PFKFB3: variants seen among roughly 807,000 people sequenced by gnomAD.
PFKFB3 encodes the protein 6-phosphofructo-2-kinase/fructose-2,6-biphosphatase 3.
In PFKFB3, 33 loss-of-function variants were observed where a neutral mutation model predicts 68.0. The observed-to-expected ratio is 0.49, with a 90% confidence interval of 0.37 to 0.65. PFKFB3 has a LOEUF of 0.65. Among genes scored for constraint, PFKFB3 ranks in the 30% least tolerant of loss-of-function variants. The pLI is 0.00. For synonymous variants in PFKFB3, 315 were observed against 288.2 expected (o/e 1.09, Z -0.94); for missense variants, 586 against 712.2 (o/e 0.82, Z 2.02).
upstream of PFKFB3, among the ~76,000 whole-genome samples, chr10:6,200,659 C>CGGGGCGGGGGG (rs1292336041): frequency 1.5e-5 from 1 of 68,886 alleles, no homozygotes; most frequent in Admixed American, 1.3e-4. Context: ...ATGTAAGGAG[C>CGGGGCGGGGGG]GGGGGGGGGG....
rs1304611050 is a variant in PFKFB3 at position 6,203,089 on chromosome 10, G to C, written c.-172G>C. 7.0e-7 allele frequency: 1 copy of C among 1,433,172 alleles called. No individual in the cohort carries two copies. Among genetic ancestry groups the C allele is most frequent in the Non-Finnish European group, 9.1e-7 (1 of 1,098,406 alleles). 88.8% of individuals were successfully genotyped at this position (1,433,172 alleles called of 1,614,324 possible). Reference sequence around the variant, plus strand: ...AGCACACGTCGAGCCCCGCACAGGCGAGGGTCCGGAACTTAGCCCAAAGCA... The same window carrying C: ...AGCACACGTCGAGCCCCGCACAGGCCAGGGTCCGGAACTTAGCCCAAAGCA... On this transcript the variant is annotated 5_prime_UTR_variant, in exon 1 of 15. Transcript: ENST00000379775.
the PFKFB3 span, among the ~76,000 whole-genome samples, chr10:6,271,459 G>A: frequency 6.6e-6 from 1 of 152,202 alleles, no homozygotes; most frequent in Non-Finnish European, 1.5e-5. Context: ...TGAAGAGCCT[G>A]GTAGCAGTGC....
the PFKFB3 span, among the ~76,000 whole-genome samples, chr10:6,309,376 G>A: frequency 6.6e-6 from 1 of 152,198 alleles, no homozygotes; most frequent in Non-Finnish European, 1.5e-5. Context: ...GGGAGACTGA[G>A]GCAGGAGAAT....
At chr10:6,200,810 C>T (rs941934917), upstream of PFKFB3, among the ~76,000 whole-genome samples, 2 of 152,132 alleles carry the variant, frequency 1.3e-5, no homozygotes, top group Admixed American at 6.5e-5. Flanking sequence ...AGGAAAAGTG[C>T]CCGGTCTGCG....
the PFKFB3 span, among the ~76,000 whole-genome samples, chr10:6,262,546 G>A: frequency 1.4e-5 from 2 of 146,062 alleles, no homozygotes; most frequent in African/African-American, 5.1e-5. Flanking sequence ...AGTGCTTTTT[G>A]TGTCTTGCTT....
At chr10:6,179,702 G>A (rs916090256) in intron 1 of PFKFB3, among the ~76,000 whole-genome samples, 1 of 152,252 alleles carries the variant, frequency 6.6e-6, no homozygotes, top group East Asian at 1.9e-4. Context: ...GTAAACCAAG[G>A]TGCCAAGGCT....
the PFKFB3 span, among the ~76,000 whole-genome samples, chr10:6,269,593 C>T: frequency 6.6e-6 from 1 of 152,144 alleles, no homozygotes; most frequent in South Asian, 2.1e-4. Context: ...ATAGGTAAGA[C>T]GTTGCAGTTA....
At chr10:6,160,816 TA>T (rs1448648017) in intron 1 of PFKFB3, among the ~76,000 whole-genome samples, 1 of 152,052 alleles carries the variant, frequency 6.6e-6, no homozygotes, top group African/African-American at 2.4e-5. Context: ...TTGTACTACT[TA>T]AAAATTTTCT....
the PFKFB3 span, among the ~76,000 whole-genome samples, chr10:6,292,835 C>T: frequency 1.3e-5 from 2 of 152,074 alleles, no homozygotes; most frequent in Admixed American, 6.5e-5. Context: ...ATCAGGTTTC[C>T]GGAAAAGCAA....
intron 1 of PFKFB3, among the ~76,000 whole-genome samples, chr10:6,145,831 C>G (rs1465883361): frequency 2.3e-5 from 3 of 132,574 alleles, no homozygotes; most frequent in Non-Finnish European, 3.3e-5. Flanking sequence ...AAAGGCCCGG[C>G]TACCTGGTGT....
intron 4 of PFKFB3, 76 bp downstream of exon 4, chr10:6,216,267 G>A (rs528468769): frequency 3.7e-6 from 5 of 1,350,228 alleles, no homozygotes; most frequent in Admixed American, 1.7e-5. Context: ...GGGGTGTACC[G>A]AGACCTGTGC....
intron 6 of PFKFB3, among the ~76,000 whole-genome samples, chr10:6,219,212 C>T (rs900751076): frequency 9.9e-5 from 15 of 152,240 alleles, no homozygotes; most frequent in African/African-American, 3.4e-4. Flanking sequence ...GGGAGCATTG[C>T]GGATCCTCAC....
At chr10:6,227,984 C>T (rs1405993357) in intron 14 of PFKFB3, among the ~76,000 whole-genome samples, 1 of 152,154 alleles carries the variant, frequency 6.6e-6, no homozygotes, top group African/African-American at 2.4e-5. Flanking sequence ...GCTGCACAGA[C>T]CTCCGTCGTG....
At chr10:6,179,223 G>C (rs981681495) in intron 1 of PFKFB3, among the ~76,000 whole-genome samples, 4 of 152,240 alleles carry the variant, frequency 2.6e-5, no homozygotes, top group African/African-American at 9.6e-5. Context: ...GTCACACAGC[G>C]TGTGAGTCGG....
intron 1 of PFKFB3, among the ~76,000 whole-genome samples, chr10:6,184,414 G>A (rs543428365): frequency 1.6e-4 from 25 of 152,136 alleles, no homozygotes; most frequent in Admixed American, 1.2e-3. Flanking sequence ...TGGTTTAATC[G>A]GTCTGGGATG....
At chr10:6,169,239 GTCT>G (rs1315907823) in intron 1 of PFKFB3, among the ~76,000 whole-genome samples, 16 of 152,234 alleles carry the variant, frequency 1.1e-4, no homozygotes, top group African/African-American at 3.6e-4. Flanking sequence ...ACCGCGCCCA[GTCT>G]TCTTATATTT....
chr10:6,215,456 G>GT lies in PFKFB3; in HGVS notation c.299+139_299+140insT, dbSNP rs1554850823. The GT allele has an allele frequency of 0.019, 13,379 of 696,622 alleles. 1,257 individuals are homozygous for GT. In the African/African-American group the frequency reaches 0.21, roughly 11 times the overall value. The allele number at this position is 696,622 out of a possible 1,614,324, so 43.2% of individuals were successfully genotyped here. A position where few individuals can be genotyped will look rare whatever the true frequency, so the allele number is the denominator to read the frequency against. On this transcript the variant is annotated intron_variant, in intron 3 of 14. Coordinates refer to ENST00000379775, the MANE Select transcript of PFKFB3 (RefSeq NM_004566.4). This position sits in a 1 kb window ranked among gnomAD's most constrained non-coding sequence, Gnocchi z 4.3. The stretch of plus-strand genomic sequence containing the variant: ...AATAAGGCTGGGCTGCGGGGCTGCG[G>GT]GTGTAAGGCTGGGCTGCGGGCTTGG...
chr10:6,259,145 T>TCCAC (rs1357794161), downstream of PFKFB3, among the ~76,000 whole-genome samples: 3 of 151,252 alleles, frequency 2.0e-5, no homozygotes, highest in Non-Finnish European at 4.4e-5. Flanking sequence ...CATCCATCCA[T>TCCAC]CCACCCACCC....
At chr10:6,293,280 T>C in the PFKFB3 span, 1 of 404,868 alleles carries the variant, frequency 2.5e-6, no homozygotes, top group Non-Finnish European at 4.9e-6. Context: ...ATTTCACAGA[T>C]GTTGTGTTCT....
Sources: allele counts gnomAD v4.1 joint callset (sites outside exome capture counted in the v4.1 genomes callset), GRCh38; gene constraint gnomAD v4.1.1; non-coding constraint Gnocchi (gnomAD v3.1); transcripts MANE v1.5; gene names NCBI Gene and HGNC (gene_info 2026-07-23, HGNC 2026-07-21).